Variants in TNIK observed in about 807,000 individuals in gnomAD.
TNIK encodes TRAF2 and NCK-interacting protein kinase.
In TNIK, 49 loss-of-function variants were observed where a neutral mutation model predicts 191.3. The ratio of observed to expected loss-of-function variants is 0.26; its 90% CI spans 0.20 to 0.32. The LOEUF is 0.32. TNIK is among the 10% of genes least tolerant of loss of function. The pLI is 1.00. For synonymous variants in TNIK, 594 were observed against 600.9 expected (o/e 0.99, Z 0.17); for missense variants, 1,155 against 1,702.3 (o/e 0.68, Z 5.66).
intron 1 of TNIK, among the ~76,000 whole-genome samples, chr3:171,427,683 T>A (rs1724820265): frequency 1.3e-5 from 2 of 152,180 alleles, no homozygotes. Flanking sequence ...GCTACCTTTC[T>A]AAAAGGCGTT....
At chr3:171,202,354 A>G (rs980010654) in intron 4 of TNIK, among the ~76,000 whole-genome samples, 13 of 152,204 alleles carry the variant, frequency 8.5e-5, no homozygotes, top group African/African-American at 3.1e-4. Context: ...GGGGTGAGGA[A>G]TGGTGAGCCA....
At chr3:171,235,189 C>A (rs1480033195) in intron 2 of TNIK, among the ~76,000 whole-genome samples, 1 of 152,036 alleles carries the variant, frequency 6.6e-6, no homozygotes, top group African/African-American at 2.4e-5. Context: ...TTACTGGTTC[C>A]CACTACCATG....
At chr3:171,218,530 T>G (rs1000814085) in intron 3 of TNIK, among the ~76,000 whole-genome samples, 9 of 151,392 alleles carry the variant, frequency 5.9e-5, no homozygotes, top group African/African-American at 1.9e-4. Context: ...GGAATGAGTT[T>G]TTTTTTTTTT....
chr3:171,162,933 G>A (rs1734189073), intron 10 of TNIK, among the ~76,000 whole-genome samples: 1 of 152,210 alleles, frequency 6.6e-6, no homozygotes, highest in Non-Finnish European at 1.5e-5. Context: ...GGAACAGCTA[G>A]TGCCACTGGT....
intron 2 of TNIK, among the ~76,000 whole-genome samples, chr3:171,311,455 T>G (rs965525669): frequency 6.6e-6 from 1 of 152,184 alleles, no homozygotes; most frequent in Non-Finnish European, 1.5e-5. Flanking sequence ...GAAGTATGCA[T>G]CCATCACTTG....
chr3:171,195,678 T>C (rs1183923872), intron 4 of TNIK, among the ~76,000 whole-genome samples: 1 of 152,178 alleles, frequency 6.6e-6, no homozygotes, highest in Non-Finnish European at 1.5e-5. Flanking sequence ...TAAAATCTCA[T>C]GAAACTCATT....
chr3:171,223,368 T>C (rs1160800946), intron 3 of TNIK, among the ~76,000 whole-genome samples: 2 of 152,224 alleles, frequency 1.3e-5, no homozygotes, highest in African/African-American at 2.4e-5. Flanking sequence ...CAAGGTTGTG[T>C]TACTGTGAGC....
rs1325378167 is a variant in TNIK at position 171,063,099 on chromosome 3, GCGTT to G, written c.*778_*781del. The G allele has an allele frequency of 6.6e-6, 1 of 152,156 alleles. No homozygotes were observed. Among genetic ancestry groups the G allele is most frequent in the Admixed American group, 6.6e-5 (1 of 15,258 alleles). The allele number at this position is 152,156 out of a possible 1,614,324, so 9.4% of individuals were successfully genotyped here. The stretch of plus-strand genomic sequence containing the variant: ...ATCGCTAGGCCAGCTCAACTCAATG[GCGTT>G]AGTATCCTGTTCAACACACTCCATT... On this transcript the variant is annotated 3_prime_UTR_variant, in exon 33 of 33. Transcript: ENST00000436636.
At chr3:171,459,215 A>AAC (rs1349256232) in intron 1 of TNIK, among the ~76,000 whole-genome samples, 1 of 146,982 alleles carries the variant, frequency 6.8e-6, no homozygotes, top group Non-Finnish European at 1.5e-5. Flanking sequence ...ACACGGGGAA[A>AAC]ACACACACAG....
chr3:171,233,552 T>C (rs1392548300), intron 2 of TNIK, among the ~76,000 whole-genome samples: 1 of 152,084 alleles, frequency 6.6e-6, no homozygotes. Context: ...CAGGTCCCTC[T>C]CTGGGAATGG....
intron 2 of TNIK, among the ~76,000 whole-genome samples, chr3:171,247,753 A>G (rs750651108): frequency 1.3e-5 from 2 of 152,262 alleles, no homozygotes; most frequent in African/African-American, 2.4e-5. Flanking sequence ...AAAGGAGGGT[A>G]TGGTCAGAGC....
intron 2 of TNIK, among the ~76,000 whole-genome samples, chr3:171,355,318 G>A (rs1713871866): frequency 6.6e-6 from 1 of 152,174 alleles, no homozygotes; most frequent in African/African-American, 2.4e-5. Flanking sequence ...TGGCTTCTGT[G>A]ATAGGTTTCT....
intron 2 of TNIK, among the ~76,000 whole-genome samples, chr3:171,271,196 C>T (rs550856303): frequency 6.6e-6 from 1 of 152,184 alleles, no homozygotes; most frequent in Admixed American, 6.5e-5. Flanking sequence ...TTTCTAATTG[C>T]GCACGTTTCC....
chr3:171,245,013 G>C (rs572744290), intron 2 of TNIK, among the ~76,000 whole-genome samples: 1 of 152,090 alleles, frequency 6.6e-6, no homozygotes, highest in Non-Finnish European at 1.5e-5. Context: ...AATGATTCAT[G>C]AGCAATTTCT....
chr3:171,192,156 T>C (rs957090168), intron 5 of TNIK, among the ~76,000 whole-genome samples: 3 of 152,104 alleles, frequency 2.0e-5, no homozygotes, highest in African/African-American at 7.2e-5. Flanking sequence ...TATAGAAGGG[T>C]TTGAGGCACT....
Position 171,339,912 on chromosome 3 carries a change from G to A in TNIK, c.123+29708C>T, listed in dbSNP as rs142579156. Among the ~76,000 whole-genome samples the A allele has an allele frequency of 1.1e-4, 17 of 152,238 alleles. No homozygotes were observed. The East Asian group carries it at 3.3e-3, about 29-fold the overall frequency. On this transcript the variant is annotated intron_variant, in intron 2 of 32. Coordinates refer to ENST00000436636, the MANE Select transcript of TNIK (RefSeq NM_015028.4). Reference sequence around the variant, plus strand: ...GTCTGCCTCTGCCTTATTAGGCTGTGTTAATTGGTTTGAGCCTAGTTATAT... The same window carrying A: ...GTCTGCCTCTGCCTTATTAGGCTGTATTAATTGGTTTGAGCCTAGTTATAT...
At chr3:171,396,830 T>A (rs1720316959) in intron 1 of TNIK, among the ~76,000 whole-genome samples, 1 of 152,180 alleles carries the variant, frequency 6.6e-6, no homozygotes, top group Non-Finnish European at 1.5e-5. Flanking sequence ...TAAGGTATTT[T>A]TCATGTTGAT....
intron 2 of TNIK, among the ~76,000 whole-genome samples, chr3:171,351,997 T>C (rs191230796): frequency 9.8e-5 from 15 of 152,318 alleles, no homozygotes; most frequent in South Asian, 6.2e-4. Flanking sequence ...CCTAATCTCA[T>C]GCTTCCCAAA....
At chr3:171,318,913 C>A (rs1188060968) in intron 2 of TNIK, among the ~76,000 whole-genome samples, 2 of 151,978 alleles carry the variant, frequency 1.3e-5, no homozygotes, top group African/African-American at 4.8e-5. Flanking sequence ...ACCTGTAATC[C>A]CAGTGCTTTG....
Sources: gnomAD v4.1 joint callset for allele counts (sites outside exome capture counted in the v4.1 genomes callset) on GRCh38, gnomAD v4.1.1 for gene constraint, MANE v1.5 for transcripts, NCBI Gene and HGNC (gene_info 2026-07-23, HGNC 2026-07-21) for gene names.